The following FAM117B variants were observed in gnomAD, a reference collection of about 807,000 sequenced individuals.
FAM117B encodes family with sequence similarity 117 member B, also known as protein FAM117B.
In FAM117B, 22 loss-of-function variants were observed where a neutral mutation model predicts 52.8. The observed-to-expected ratio is 0.42, with a 90% confidence interval of 0.30 to 0.59. The LOEUF (loss-of-function observed/expected upper bound fraction) is 0.59. Among genes scored for constraint, FAM117B ranks in the 20% least tolerant of loss-of-function variants. The pLI is 0.22. For synonymous variants in FAM117B, 309 were observed against 324.1 expected (o/e 0.95, Z 0.50); for missense variants, 678 against 802.6 (o/e 0.84, Z 1.88).
chr2:202,738,567 T>A (rs1368952144), intron 4 of FAM117B, among the ~76,000 whole-genome samples: 2 of 152,160 alleles, frequency 1.3e-5, no homozygotes, highest in Non-Finnish European at 2.9e-5. Context: ...GAAACTACTT[T>A]TAGAAGAATT....
chr2:202,751,772 A>T (rs944913267), intron 4 of FAM117B, among the ~76,000 whole-genome samples: 2 of 6,442 alleles, frequency 3.1e-4, no homozygotes, highest in Non-Finnish European at 8.2e-4. Flanking sequence ...ACTCCATCTC[A>T]AAAAAAAAAA....
chr2:202,759,800 A>G (rs1484123446), intron 7 of FAM117B, among the ~76,000 whole-genome samples: 1 of 151,884 alleles, frequency 6.6e-6, no homozygotes, highest in Non-Finnish European at 1.5e-5. Flanking sequence ...TTCGTGATCC[A>G]CCTGCCTCGG....
chr2:202,679,674 A>G (rs900923689), intron 1 of FAM117B, among the ~76,000 whole-genome samples: 23 of 152,218 alleles, frequency 1.5e-4, no homozygotes, highest in African/African-American at 5.3e-4. Flanking sequence ...GGCTACTCCC[A>G]ATCTGTCCAA....
chr2:202,648,561 ATGTG>A (rs138572013), intron 1 of FAM117B, among the ~76,000 whole-genome samples: 100 of 135,340 alleles, frequency 7.4e-4, no homozygotes, highest in African/African-American at 2.5e-3. Flanking sequence ...ATATGTATGT[ATGTG>A]TGTGTGTGTG....
chr2:202,708,447 A>C (rs1280960131), intron 2 of FAM117B, among the ~76,000 whole-genome samples: 1 of 152,104 alleles, frequency 6.6e-6, no homozygotes, highest in African/African-American at 2.4e-5. Context: ...TTGTATGTAT[A>C]TACCATAGTT....
In FAM117B at chr2:202,737,543, T is replaced by G. The variant is rs1197722702; in HGVS notation, c.960+11180T>G. Among the ~76,000 whole-genome samples, 4 of 152,226 alleles carry G rather than the reference T, an allele frequency of 2.6e-5. No individual in the cohort carries two copies. The East Asian group carries it at 7.7e-4, about 29-fold the overall frequency. On this transcript the variant is annotated intron_variant, in intron 4 of 7. Coordinates refer to ENST00000392238, the MANE Select transcript of FAM117B (RefSeq NM_173511.4). ...CAGTATGTAATCGTTTGAGACTGTC[T>G]TCTTTCACTCAACGATAGTGCCCTT...
chr2:202,657,841 TGTC>T (rs1310409821), intron 1 of FAM117B, among the ~76,000 whole-genome samples: 3 of 152,220 alleles, frequency 2.0e-5, no homozygotes, highest in Non-Finnish European at 4.4e-5. Context: ...GCTTGACTGT[TGTC>T]TTAGTAATTC....
chr2:202,655,576 ATGAGT>A (rs1287737597), intron 1 of FAM117B, among the ~76,000 whole-genome samples: 1 of 152,140 alleles, frequency 6.6e-6, no homozygotes, highest in Admixed American at 6.6e-5. Flanking sequence ...GCTTTATAAA[ATGAGT>A]TGAGAAGTGT....
intron 4 of FAM117B, among the ~76,000 whole-genome samples, chr2:202,728,858 C>T (rs1156350141): frequency 6.6e-6 from 1 of 151,988 alleles, no homozygotes; most frequent in Non-Finnish European, 1.5e-5. Flanking sequence ...AAAACATTTC[C>T]TTGCAGAGAG....
At chr2:202,713,714 T>C (rs1690991984) in intron 2 of FAM117B, among the ~76,000 whole-genome samples, 1 of 152,178 alleles carries the variant, frequency 6.6e-6, no homozygotes, top group South Asian at 2.1e-4. Context: ...TGTGTTTCCA[T>C]TATTTTTTTT....
rs1415287611 is a variant in FAM117B at position 202,675,237 on chromosome 2, A to AC, written c.602-20644_602-20643insC. ...TAAGACCCTGTCTCTTAAAAAAAAAAAACAACAACAAAAAGCCTGAGCAAC... is the reference window on the plus strand; with the variant it reads ...TAAGACCCTGTCTCTTAAAAAAAAAACAACAACAACAAAAAGCCTGAGCAAC... On this transcript the variant is annotated intron_variant, in intron 1 of 7. Coordinates refer to ENST00000392238, the MANE Select transcript of FAM117B (RefSeq NM_173511.4). 7.4e-3 allele frequency among the ~76,000 whole-genome samples: 1,120 copies of AC among 151,480 alleles called. 8 individuals carry two copies. Among genetic ancestry groups the AC allele is most frequent in the Admixed American group, 0.013 (202 of 15,242 alleles).
intron 1 of FAM117B, among the ~76,000 whole-genome samples, chr2:202,682,237 C>G (rs1451896201): frequency 6.6e-6 from 1 of 152,182 alleles, no homozygotes; most frequent in South Asian, 2.1e-4. Context: ...TCAGATGCCA[C>G]GAATGTGGGT....
intron 4 of FAM117B, among the ~76,000 whole-genome samples, chr2:202,743,464 A>T (rs921892822): frequency 6.6e-6 from 1 of 152,202 alleles, no homozygotes; most frequent in Non-Finnish European, 1.5e-5. Context: ...AAGTATTAAT[A>T]TAAGGATACA....
In FAM117B at chr2:202,663,223, G is replaced by A. The variant is rs1690156529; in HGVS notation, c.601+27435G>A. Among the ~76,000 whole-genome samples, 4 of 152,170 alleles carry A rather than the reference G, an allele frequency of 2.6e-5. No individual in the cohort carries two copies. In the South Asian group the frequency reaches 6.2e-4, roughly 24 times the overall value. On this transcript the variant is annotated intron_variant, in intron 1 of 7. Coordinates refer to ENST00000392238, the MANE Select transcript of FAM117B (RefSeq NM_173511.4). The stretch of plus-strand genomic sequence containing the variant: ...TGCTGTTATAAACAGTGCACAGAAC[G>A]TTAATTTCCATTTGGTACTAGGTTG...
chr2:202,650,698 C>T (rs370096506), intron 1 of FAM117B, among the ~76,000 whole-genome samples: 63 of 152,270 alleles, frequency 4.1e-4, no homozygotes, highest in African/African-American at 1.4e-3. Flanking sequence ...CCTGGCAATC[C>T]ACTGGTGTAA....
At chr2:202,655,707 T>TGAGAGACAGAGAGAGAGAGAGAGA (rs1398513491) in intron 1 of FAM117B, among the ~76,000 whole-genome samples, 2 of 98,838 alleles carry the variant, frequency 2.0e-5, no homozygotes, top group Admixed American at 1.1e-4. Context: ...GGGAAGAGAG[T>TGAGAGACAGAGAGAGAGAGAGAGA]GAGAGAGAGA....
intron 4 of FAM117B, among the ~76,000 whole-genome samples, chr2:202,745,725 C>T (rs753364013): frequency 1.3e-5 from 2 of 152,128 alleles, no homozygotes; most frequent in Non-Finnish European, 2.9e-5. Context: ...TGTAAAAACA[C>T]ATATTGATTT....
intron 1 of FAM117B, among the ~76,000 whole-genome samples, chr2:202,667,650 A>T (rs1690226271): frequency 6.6e-6 from 1 of 152,184 alleles, no homozygotes; most frequent in African/African-American, 2.4e-5. Context: ...ATCTCAAGAT[A>T]AACCTTAGCC....
chr2:202,670,297 TTC>T lies in FAM117B; in HGVS notation c.602-25582_602-25581del, dbSNP rs906464055. Among the ~76,000 whole-genome samples the T allele has an allele frequency of 9.5e-5, 14 of 146,766 alleles. 1 individual carries two copies. The highest frequency in any genetic ancestry group is 3.3e-4 in the African/African-American group (12 of 36,376). On this transcript the variant is annotated intron_variant, in intron 1 of 7. Coordinates refer to ENST00000392238, the MANE Select transcript of FAM117B (RefSeq NM_173511.4). The stretch of plus-strand genomic sequence containing the variant: ...CTTTTTTCTTTTCTTTCTTTTTTTT[TTC>T]TTTTTTTTTGAGATGGAGTCTAGCT...
Sources: allele counts gnomAD v4.1 joint callset (sites outside exome capture counted in the v4.1 genomes callset), GRCh38; gene constraint gnomAD v4.1.1; transcripts MANE v1.5; gene names NCBI Gene and HGNC (gene_info 2026-07-23, HGNC 2026-07-21).